The following TEX9 variants were observed in gnomAD, a reference collection of about 807,000 sequenced individuals.
TEX9 encodes the protein testis expressed 9, also known as testis-expressed protein 9.
In TEX9, 74 loss-of-function variants were observed where a neutral mutation model predicts 59.6. The observed-to-expected ratio is 1.24, with a 90% CI of 1.03 to 1.51. TEX9 has a LOEUF of 1.51. TEX9 is among the 40% of genes most tolerant of loss of function. The pLI is 0.00. For missense variants in TEX9, 522 were observed against 447.8 expected (o/e 1.17, Z -1.49); for synonymous variants, 186 against 152.2 (o/e 1.22, Z -1.64).
At chr15:56,444,781 A>C (rs1414339109) in intron 12 of TEX9, 2 of 1,015,872 alleles carry the variant, frequency 2.0e-6, no homozygotes, top group Non-Finnish European at 2.9e-6. Context: ...ACATAAAATA[A>C]ATTTTTTCAT....
At chr15:56,343,807 A>G (rs748151126) in intron 1 of TEX9, among the ~76,000 whole-genome samples, 2 of 152,178 alleles carry the variant, frequency 1.3e-5, no homozygotes, top group South Asian at 2.1e-4. Context: ...TAAATAACCT[A>G]TATTTAAAAG....
At chr15:56,350,921 G>C (rs1377284091) in intron 1 of TEX9, among the ~76,000 whole-genome samples, 2 of 152,172 alleles carry the variant, frequency 1.3e-5, no homozygotes, top group African/African-American at 2.4e-5. Flanking sequence ...TTTTTAGTAT[G>C]TGTGGCAATG....
intron 12 of TEX9, among the ~76,000 whole-genome samples, chr15:56,440,872 A>G (rs2050804940): frequency 6.6e-6 from 1 of 152,138 alleles, no homozygotes; most frequent in Admixed American, 6.5e-5. Flanking sequence ...TATTTTGTTT[A>G]TCCATTAGAC....
intron 12 of TEX9, chr15:56,443,872 G>T: frequency 1.9e-6 from 3 of 1,545,272 alleles, no homozygotes; most frequent in Non-Finnish European, 2.6e-6. Flanking sequence ...GCAATAACAA[G>T]TACAGATTTA....
chr15:56,448,595 G>A (rs1037226168), downstream of TEX9, among the ~76,000 whole-genome samples: 1 of 152,206 alleles, frequency 6.6e-6, no homozygotes, highest in African/African-American at 2.4e-5. Flanking sequence ...AGAGTATTCC[G>A]TGGTATATAT....
intron 2 of TEX9, among the ~76,000 whole-genome samples, chr15:56,368,503 C>G (rs1193218234): frequency 6.6e-6 from 1 of 152,008 alleles, no homozygotes; most frequent in African/African-American, 2.4e-5. Context: ...TAGAGATTTT[C>G]TGCCCTTTGA....
intron 1 of TEX9, among the ~76,000 whole-genome samples, chr15:56,261,703 C>T (rs889553634): frequency 3.3e-5 from 5 of 151,468 alleles, no homozygotes; most frequent in Non-Finnish European, 7.4e-5. Context: ...GGCAATAGAG[C>T]GAGAGACTGT....
At chr15:56,245,573 C>T (rs1323862721) in intron 1 of TEX9, among the ~76,000 whole-genome samples, 1 of 152,174 alleles carries the variant, frequency 6.6e-6, no homozygotes, top group African/African-American at 2.4e-5. Context: ...ACATGGTGTG[C>T]ACTAGACAGA....
intron 10 of TEX9, among the ~76,000 whole-genome samples, chr15:56,412,985 G>A (rs1330547016): frequency 1.3e-5 from 2 of 151,924 alleles, no homozygotes; most frequent in Non-Finnish European, 2.9e-5. Context: ...AAGGATCACC[G>A]TAACTCCAGT....
intron 1 of TEX9, among the ~76,000 whole-genome samples, chr15:56,262,628 T>C (rs1207499894): frequency 6.6e-6 from 1 of 152,250 alleles, no homozygotes; most frequent in Non-Finnish European, 1.5e-5. Flanking sequence ...AATTGGTTAA[T>C]CATTTTGTTC....
chr15:56,314,979 CT>C (rs1256450934), intron 1 of TEX9, among the ~76,000 whole-genome samples: 1 of 150,946 alleles, frequency 6.6e-6, no homozygotes, highest in Non-Finnish European at 1.5e-5. Flanking sequence ...CAACCCCTGC[CT>C]TTTTTTGTTT....
intron 10 of TEX9, among the ~76,000 whole-genome samples, chr15:56,416,264 T>C (rs2049680094): frequency 6.6e-6 from 1 of 151,848 alleles, no homozygotes; most frequent in South Asian, 2.1e-4. Context: ...TTGAATAGTG[T>C]TGAGAGAGGG....
chr15:56,383,810 T>C (rs921219673), intron 3 of TEX9, 142 bp from the exon 4 acceptor site: 10 of 563,392 alleles, frequency 1.8e-5, no homozygotes, highest in Admixed American at 3.4e-5. Flanking sequence ...CTTCATACTA[T>C]AGCATTTAGA....
At chr15:56,412,326 C>A in exon 10 of TEX9, 1 of 1,611,518 alleles carries the variant, frequency 6.2e-7, no homozygotes, top group Non-Finnish European at 8.5e-7. Flanking sequence ...AAGAAGACTG[C>A]AAAAACAGGC....
chr15:56,291,631 A>C (rs1377037693), intron 1 of TEX9, among the ~76,000 whole-genome samples: 2 of 152,158 alleles, frequency 1.3e-5, no homozygotes, highest in Non-Finnish European at 2.9e-5. Flanking sequence ...TGTCCAGCAG[A>C]TCTCTCTTGA....
At chr15:56,261,729 T>G (rs2044274105) in intron 1 of TEX9, among the ~76,000 whole-genome samples, 1 of 151,210 alleles carries the variant, frequency 6.6e-6, no homozygotes, top group South Asian at 2.1e-4. Flanking sequence ...AAAAAAAAAA[T>G]TATTAACTGT....
chr15:56,413,003 C>T (rs146390980), intron 10 of TEX9, among the ~76,000 whole-genome samples: 350 of 152,060 alleles, frequency 2.3e-3, no homozygotes, highest in African/African-American at 8.0e-3. Context: ...AGTGTCTAGC[C>T]AATGCTTGGC....
At chr15:56,428,317 TG>T in intron 11 of TEX9, 49 bp from the exon 12 acceptor site, 1 of 1,343,662 alleles carries the variant, frequency 7.4e-7, no homozygotes, top group Non-Finnish European at 1.1e-6. Flanking sequence ...TGTTGTTTGG[TG>T]GCCTACTCTT....
At chr15:56,291,054 T>C (rs1303799135) in intron 1 of TEX9, among the ~76,000 whole-genome samples, 1 of 152,186 alleles carries the variant, frequency 6.6e-6, no homozygotes, top group Non-Finnish European at 1.5e-5. Flanking sequence ...GCACATGTGG[T>C]GAATGTAAAC....
Sources: gnomAD v4.1 joint callset for allele counts (sites outside exome capture counted in the v4.1 genomes callset) on GRCh38, gnomAD v4.1.1 for gene constraint, MANE v1.5 for transcripts, NCBI Gene and HGNC (gene_info 2026-07-23, HGNC 2026-07-21) for gene names.